Variants in CLHC1 observed in about 807,000 individuals in gnomAD.
CLHC1 encodes clathrin heavy chain linker domain-containing protein 1.
CLHC1 carries 72 observed loss-of-function variants against 69.5 expected under a neutral mutation model. That is an observed-to-expected ratio of 1.04 (90% CI 0.86 to 1.26). The LOEUF is 1.26. Among genes scored for constraint, CLHC1 ranks in the 50% most tolerant of loss-of-function variants. The pLI, the probability that CLHC1 is intolerant of heterozygous loss-of-function variation, is 0.00. For synonymous variants in CLHC1, 223 were observed against 224.3 expected (o/e 0.99, Z 0.05); for missense variants, 790 against 679.3 (o/e 1.16, Z -1.81).
At chr2:55,218,107 G>T in intron 3 of CLHC1, 109 bp from the exon 4 acceptor site, 2 of 552,424 alleles carry the variant, frequency 3.6e-6, no homozygotes, top group Non-Finnish European at 5.8e-6. Flanking sequence ...AACATGATTA[G>T]CAATTAGAAA....
intron 8 of CLHC1, among the ~76,000 whole-genome samples, chr2:55,207,601 G>A (rs1424305799): frequency 6.6e-6 from 1 of 152,110 alleles, no homozygotes; most frequent in Non-Finnish European, 1.5e-5. Flanking sequence ...TATTACATAT[G>A]TTCATTACAG....
At chr2:55,177,265 T>C (rs1250278456) in intron 12 of CLHC1, among the ~76,000 whole-genome samples, 4 of 152,190 alleles carry the variant, frequency 2.6e-5, no homozygotes, top group African/African-American at 7.2e-5. Context: ...TTAAAACATA[T>C]AGTTTATATC....
chr2:55,180,387 C>T, intron 11 of CLHC1, 123 bp downstream of exon 11: 1 of 642,980 alleles, frequency 1.6e-6, no homozygotes. Context: ...AAATCTCCTA[C>T]TTATTGGTAT....
At chr2:55,179,144 A>G (rs1669678251) in intron 11 of CLHC1, among the ~76,000 whole-genome samples, 2 of 152,100 alleles carry the variant, frequency 1.3e-5, no homozygotes, top group Admixed American at 1.3e-4. Context: ...TAACTAATAT[A>G]ATTCTTACAT....
intron 9 of CLHC1, among the ~76,000 whole-genome samples, chr2:55,203,763 C>T (rs1573688049): frequency 6.6e-6 from 1 of 152,128 alleles, no homozygotes; most frequent in East Asian, 1.9e-4. Flanking sequence ...AAATTTCTTG[C>T]ATAATACCCC....
rs868244346 is a variant in CLHC1 at position 55,223,816 on chromosome 2, G to C, written c.-82-1323C>G. On this transcript the variant is annotated intron_variant, in intron 2 of 12. Transcript: ENST00000401408. ...GATCGTAACTTTTTTTTTTTTTTGA[G>C]ACGGAGTCTCGCTCTGCCGCCCAGG... Among the ~76,000 whole-genome samples the C allele has an allele frequency of 5.3e-5, 8 of 150,540 alleles. No homozygotes were observed. The South Asian group carries it at 1.0e-3, about 20-fold the overall frequency.
At chr2:55,221,260 A>G (rs1299535939) in intron 3 of CLHC1, among the ~76,000 whole-genome samples, 1 of 152,228 alleles carries the variant, frequency 6.6e-6, no homozygotes. Context: ...CTGTCAAGGC[A>G]TCTTCCGGGG....
chr2:55,217,831 T>C lies in CLHC1; in HGVS notation c.345A>G (p.Arg115=). Residue 115 remains arginine, a synonymous_variant, in exon 4 of 13, where the codon AGA becomes AGG. Coordinates refer to ENST00000401408, the MANE Select transcript of CLHC1 (RefSeq NM_152385.4). ...EPTALVYYRK[R]TIQLEAKMRI... is the part of the protein sequence containing the mutation. ...CTTACTTTGCTTCAAGTTGGATTGTTCTTTTCCTGTAATATACCAAAGCTG... is the reference window on the plus strand; with the variant it reads ...CTTACTTTGCTTCAAGTTGGATTGTCCTTTTCCTGTAATATACCAAAGCTG... The C allele has an allele frequency of 6.4e-7, 1 of 1,558,962 alleles. No homozygotes were observed. The highest frequency in any genetic ancestry group is 8.6e-7 in the Non-Finnish European group (1 of 1,158,188).
intron 12 of CLHC1, 151 bp from the exon 13 acceptor site, chr2:55,176,137 G>A: frequency 3.1e-6 from 2 of 642,546 alleles, no homozygotes; most frequent in Non-Finnish European, 5.3e-6. Context: ...AACATGCAGT[G>A]CTCAGTCAAG....
At chr2:55,219,258 A>G (rs1374965845) in intron 3 of CLHC1, among the ~76,000 whole-genome samples, 1 of 152,218 alleles carries the variant, frequency 6.6e-6, no homozygotes, top group Non-Finnish European at 1.5e-5. Context: ...TAGTGGTATC[A>G]TGATCAGCTC....
chr2:55,181,463 T>C, intron 10 of CLHC1, 107 bp downstream of exon 10: 3 of 884,846 alleles, frequency 3.4e-6, no homozygotes, highest in Non-Finnish European at 5.2e-6. Flanking sequence ...AATAGGGACC[T>C]GAAGTAAATG....
intron 9 of CLHC1, chr2:55,205,586 T>C (rs529213724): frequency 1.1e-4 from 16 of 152,290 alleles, no homozygotes; most frequent in Non-Finnish European, 2.4e-4. Flanking sequence ...CATGGGTGTA[T>C]GCATATGTCA....
Position 55,222,631 on chromosome 2 carries a change from T to A in CLHC1, c.-82-138A>T, listed in dbSNP as rs72918908. 3.8e-3 allele frequency: 1,480 copies of A among 391,246 alleles called. 21 individuals carry two copies. Among genetic ancestry groups the A allele is most frequent in the African/African-American group, 0.029 (1,386 of 48,140 alleles). 24.2% of individuals were successfully genotyped at this position (391,246 alleles called of 1,614,324 possible). A position where few individuals can be genotyped will look rare whatever the true frequency, so the allele number is the denominator to read the frequency against. On this transcript the variant is annotated intron_variant, in intron 2 of 12. Coordinates refer to ENST00000401408, the MANE Select transcript of CLHC1 (RefSeq NM_152385.4). ...ATACTTCAACCTATGTATTAAAAGG[T>A]CTATGCTGCCAAGCGTGGTGGCTCA...
In CLHC1 at chr2:55,212,679, T is replaced by G. The variant is rs1247511287; in HGVS notation, c.493A>C (p.Ile165Leu). ...CTFSKDPSKP[I>L]PGMTLQESMN... ...TTTAAACAAAATACAATACCTGGAA[T>G]AGGTTTTGAAGGATCTTTGGAGAAA... Residue 165 changes from isoleucine to leucine, a missense_variant, in exon 5 of 13, where the codon ATT becomes CTT. By Grantham distance (5) the Ile-to-Leu change is conservative. Coordinates refer to ENST00000401408, the MANE Select transcript of CLHC1 (RefSeq NM_152385.4). 6.3e-7 allele frequency: 1 copy of G among 1,595,898 alleles called. No individual in the cohort carries two copies. The highest frequency in any genetic ancestry group is 1.1e-5 in the South Asian group (1 of 90,368).
chr2:55,197,188 A>C (rs1456548800), intron 9 of CLHC1, among the ~76,000 whole-genome samples: 3 of 152,218 alleles, frequency 2.0e-5, no homozygotes, highest in Admixed American at 1.3e-4. Context: ...AATAGAAAAC[A>C]GTGCCAGGTA....
intron 1 of CLHC1, among the ~76,000 whole-genome samples, chr2:55,231,204 C>T (rs956401023): frequency 4.7e-5 from 7 of 150,426 alleles, no homozygotes; most frequent in Non-Finnish European, 3.0e-5. Flanking sequence ...GAGCCGAGAC[C>T]GCGCCACTGC....
chr2:55,212,958 G>C (rs1573731929), intron 4 of CLHC1, 152 bp from the exon 5 acceptor site: 2 of 616,148 alleles, frequency 3.2e-6, no homozygotes, highest in East Asian at 2.8e-5. Context: ...TCACAAATGA[G>C]GAAGAATTTT....
intron 4 of CLHC1, among the ~76,000 whole-genome samples, chr2:55,217,552 A>AAATACATATATATATAT (rs1673677786): frequency 2.3e-5 from 1 of 43,162 alleles, no homozygotes; most frequent in African/African-American, 1.2e-4. Context: ...AAAAAAAAAA[A>AAATACATATATATATAT]ATATATATAT....
At chr2:55,230,127 G>C (rs1675137691) in intron 1 of CLHC1, among the ~76,000 whole-genome samples, 1 of 152,210 alleles carries the variant, frequency 6.6e-6, no homozygotes, top group South Asian at 2.1e-4. Flanking sequence ...CAGATTATAG[G>C]ACGCAAGGGT....
Sources: allele counts gnomAD v4.1 joint callset (sites outside exome capture counted in the v4.1 genomes callset), GRCh38; gene constraint gnomAD v4.1.1; transcripts MANE v1.5; gene names NCBI Gene and HGNC (gene_info 2026-07-23, HGNC 2026-07-21).